The following FAM169A variants were observed in gnomAD, a reference collection of about 807,000 sequenced individuals.
FAM169A encodes the protein soluble lamin-associated protein of 75 kDa.
FAM169A carries 24 observed loss-of-function variants against 75.7 expected under a neutral mutation model. The observed-to-expected ratio is 0.32, with a 90% CI of 0.23 to 0.45. The LOEUF (loss-of-function observed/expected upper bound fraction) is 0.45, where lower values mean the gene tolerates loss of function less well. FAM169A is among the 20% of genes least tolerant of loss of function. The pLI is 1.00. For missense variants in FAM169A, 673 were observed against 784.0 expected, an observed-to-expected ratio of 0.86 and a Z score of 1.69; for synonymous variants, 271 against 271.0, an observed-to-expected ratio of 1.00 and a Z score of 0.00.
chr5:74,801,626 C>G lies in FAM169A; in HGVS notation c.916G>C (p.Asp306His). The change falls in exon 9 of 13, where the codon GAT becomes CAT. Residue 306 changes from aspartate to histidine, a missense_variant. Around this residue, in one of 3 missense-constraint regions of FAM169A, gnomAD observed 510 missense variants for 550.9 expected, o/e 0.93. Transcript: ENST00000687041. ...CTTGCAAAGGCATCTTTTAGAGAAT[C>G]AATCTAAAAAAGAGAGAGATTCAAA... ...NQSSEMQLTI[D>H]SLKDAFASTS... 1.2e-6 allele frequency: 2 copies of G among 1,607,350 alleles called. No homozygotes were observed. The highest frequency in any genetic ancestry group is 1.7e-6 in the Non-Finnish European group (2 of 1,176,986).
intron 1 of FAM169A, chr5:74,865,414 T>C (rs1750267752): frequency 2.6e-5 from 4 of 152,136 alleles, no homozygotes; most frequent in Admixed American, 2.0e-4. Context: ...CCCGATACGA[T>C]ACCCACGCCG....
At chr5:74,840,776 C>G (rs757571581) in intron 2 of FAM169A, among the ~76,000 whole-genome samples, 13 of 151,288 alleles carry the variant, frequency 8.6e-5, no homozygotes, top group Non-Finnish European at 1.8e-4. Context: ...TTGCAGTGAG[C>G]CAAGATCGTG....
intron 11 of FAM169A, among the ~76,000 whole-genome samples, chr5:74,789,772 T>C (rs569945281): frequency 6.6e-6 from 1 of 151,840 alleles, no homozygotes; most frequent in South Asian, 2.1e-4. Context: ...CAAGTGCTGT[T>C]TGGAGCCTTT....
intron 11 of FAM169A, among the ~76,000 whole-genome samples, chr5:74,794,503 G>A (rs1746158498): frequency 6.6e-6 from 1 of 151,010 alleles, no homozygotes; most frequent in Admixed American, 6.6e-5. Flanking sequence ...AAGAGGAGCA[G>A]ATCAGGAGTT....
chr5:74,790,572 T>A (rs1745924067), intron 11 of FAM169A, among the ~76,000 whole-genome samples: 1 of 152,198 alleles, frequency 6.6e-6, no homozygotes, highest in South Asian at 2.1e-4. Flanking sequence ...AAGGGTGACC[T>A]GAGCAGAGGA....
chr5:74,846,322 A>G (rs1355374034), intron 1 of FAM169A, among the ~76,000 whole-genome samples: 2 of 152,180 alleles, frequency 1.3e-5, no homozygotes, highest in African/African-American at 4.8e-5. Flanking sequence ...TGAAATGCAA[A>G]TTTGTATTTG....
chr5:74,841,671 T>C lies in FAM169A; in HGVS notation c.6A>G (p.Ala2=), dbSNP rs1449512614. The C allele has an allele frequency of 6.2e-7, 1 of 1,612,416 alleles. No homozygotes were observed. The highest frequency in any genetic ancestry group is 2.2e-5 in the East Asian group (1 of 44,788). Residue 2 remains alanine, a synonymous_variant, in exon 2 of 13, where the codon GCA becomes GCG. Coordinates refer to ENST00000687041, the MANE Select transcript of FAM169A (RefSeq NM_001376049.1). ...AATTTTCCAGCATATCCACAGGGAA[T>C]GCCATCCTCTTTAACAAACAACATG... M[A]FPVDMLENCS...
chr5:74,796,374 C>A (rs900631480), intron 10 of FAM169A, among the ~76,000 whole-genome samples, 188 bp from the exon 11 acceptor site: 4 of 151,866 alleles, frequency 2.6e-5, no homozygotes, highest in Non-Finnish European at 5.9e-5. Context: ...GTAAACTAGA[C>A]CCTTCTTCTT....
At chr5:74,854,257 T>C (rs1307902652) in intron 1 of FAM169A, among the ~76,000 whole-genome samples, 3 of 152,060 alleles carry the variant, frequency 2.0e-5, no homozygotes, top group Non-Finnish European at 1.5e-5. Context: ...TAGCCAGGTA[T>C]GGTGGCGGAT....
At chr5:74,852,524 G>A (rs1749495229) in intron 1 of FAM169A, among the ~76,000 whole-genome samples, 1 of 152,122 alleles carries the variant, frequency 6.6e-6, no homozygotes, top group African/African-American at 2.4e-5. Flanking sequence ...ACTGGTGCTA[G>A]GAGGAAGAGC....
At chr5:74,864,895 G>C (rs1363677169) in intron 1 of FAM169A, among the ~76,000 whole-genome samples, 1 of 152,172 alleles carries the variant, frequency 6.6e-6, no homozygotes, top group East Asian at 1.9e-4. Context: ...AAAAATTTTA[G>C]TCTGGTCCAT....
At chr5:74,793,669 T>G (rs969548859) in intron 11 of FAM169A, among the ~76,000 whole-genome samples, 1 of 152,116 alleles carries the variant, frequency 6.6e-6, no homozygotes, top group African/African-American at 2.4e-5. Context: ...AATTTATCCA[T>G]GTAACCAAAC....
rs192263332 is a variant in FAM169A at position 74,833,854 on chromosome 5, G to A, written c.490+572C>T. On this transcript the variant is annotated intron_variant, in intron 5 of 12. Transcript: ENST00000687041. ...GGAGTACAGGTAAAGCAGGTATGAG[G>A]TTGCACTATTTTTTAAGGATAGGGT... 4.9e-4 allele frequency among the ~76,000 whole-genome samples: 74 copies of A among 152,252 alleles called. 1 individual carries two copies. Among genetic ancestry groups the A allele is most frequent in the Non-Finnish European group, 6.2e-4 (42 of 68,022 alleles).
rs189437633 is a variant in FAM169A at position 74,787,496 on chromosome 5, C to T, written c.1261-4362G>A. On this transcript the variant is annotated intron_variant, in intron 11 of 12. Coordinates refer to ENST00000687041, the MANE Select transcript of FAM169A (RefSeq NM_001376049.1). Reference sequence around the variant, plus strand: ...GAGGGTCCAGAAGATATACCCTTGACCGATGCTTTGCGAAAGAGATTTGTG... The same window carrying T: ...GAGGGTCCAGAAGATATACCCTTGATCGATGCTTTGCGAAAGAGATTTGTG... 5.8e-3 allele frequency among the ~76,000 whole-genome samples: 884 copies of T among 152,250 alleles called. 8 individuals are homozygous for T. Among genetic ancestry groups the T allele is most frequent in the African/African-American group, 0.021 (852 of 41,532 alleles).
intron 1 of FAM169A, among the ~76,000 whole-genome samples, chr5:74,852,636 A>G (rs535762453): frequency 6.6e-6 from 1 of 152,272 alleles, no homozygotes; most frequent in South Asian, 2.1e-4. Flanking sequence ...TGCTGAATGG[A>G]TGACTGAAAG....
At chr5:74,823,076 C>G (rs1393882073) in intron 5 of FAM169A, among the ~76,000 whole-genome samples, 2 of 152,174 alleles carry the variant, frequency 1.3e-5, no homozygotes, top group African/African-American at 4.8e-5. Context: ...ATACAATTTT[C>G]CAAGTGCTCC....
At chr5:74,820,439 C>G (rs960633346) in intron 5 of FAM169A, among the ~76,000 whole-genome samples, 1 of 152,194 alleles carries the variant, frequency 6.6e-6, no homozygotes, top group Non-Finnish European at 1.5e-5. Flanking sequence ...CCAAAACCTA[C>G]TCTACCTAGT....
chr5:74,796,236 TA>T (rs1746267859), intron 10 of FAM169A, 50 bp from the exon 11 acceptor site: 1 of 1,518,132 alleles, frequency 6.6e-7, no homozygotes, highest in African/African-American at 1.4e-5. Context: ...AGGATAAATA[TA>T]AAATCTCAGA....
chr5:74,860,942 C>G (rs1750001980), intron 1 of FAM169A, among the ~76,000 whole-genome samples: 1 of 151,916 alleles, frequency 6.6e-6, no homozygotes, highest in Admixed American at 6.6e-5. Flanking sequence ...TTGAGACCAG[C>G]CTGGCCAACA....
Sources: allele counts gnomAD v4.1 joint callset (sites outside exome capture counted in the v4.1 genomes callset), GRCh38; gene constraint gnomAD v4.1.1; regional missense constraint gnomAD v4.1.1; transcripts MANE v1.5; gene names NCBI Gene and HGNC (gene_info 2026-07-23, HGNC 2026-07-21).